Variants in RTL4 observed in about 807,000 individuals in gnomAD.
RTL4 encodes the protein retrotransposon Gag-like protein 4.
A neutral mutation model predicts 5.3 loss-of-function variants in RTL4; 4 were observed. The observed-to-expected ratio is 0.75, with a 90% CI of 0.37 to 1.72. RTL4 has a LOEUF of 1.72. Among genes scored for constraint, RTL4 ranks in the 40% most tolerant of loss-of-function variants. RTL4 has a pLI of 0.04. For synonymous variants in RTL4, 98 were observed against 87.3 expected, an observed-to-expected ratio of 1.12 and a Z score of -0.68; for missense variants, 260 against 227.1, an observed-to-expected ratio of 1.14 and a Z score of -0.93.
At chrX:112,456,806 A>C (rs2147895489) in exon 1 of RTL4, 1 of 127,395 alleles carries the variant, frequency 7.8e-6, no homozygotes, top group Non-Finnish European at 1.8e-5. Flanking sequence ...ACACTATCTC[A>C]TCTGAAAAAT....
At chrX:112,177,306 G>T in the RTL4 span, among the ~76,000 whole-genome samples, 1 of 111,207 alleles carries the variant, frequency 9.0e-6, no homozygotes, top group Non-Finnish European at 1.9e-5. Context: ...GTATATAAGT[G>T]TTCCCTTTTC....
the RTL4 span, among the ~76,000 whole-genome samples, chrX:112,326,879 C>A: frequency 9.0e-6 from 1 of 111,380 alleles, no homozygotes; most frequent in African/African-American, 3.3e-5. Flanking sequence ...CTGGGAGGCA[C>A]CCCCCAGCAG....
At chrX:112,391,238 C>T in the RTL4 span, among the ~76,000 whole-genome samples, 7 of 111,488 alleles carry the variant, frequency 6.3e-5, no homozygotes, top group African/African-American at 2.3e-4. Flanking sequence ...TTCTTAGTTT[C>T]CTTGGATTGG....
At chrX:112,103,997 C>G in the RTL4 span, among the ~76,000 whole-genome samples, 1 of 110,878 alleles carries the variant, frequency 9.0e-6, no homozygotes, top group African/African-American at 3.3e-5. Context: ...TGAACCTATT[C>G]CTCCTATATA....
the RTL4 span, among the ~76,000 whole-genome samples, chrX:112,212,193 G>A: frequency 9.0e-6 from 1 of 111,291 alleles, no homozygotes; most frequent in Non-Finnish European, 1.9e-5. Flanking sequence ...TGGCGAACAC[G>A]GTGAAACCCC....
At chrX:112,180,124 T>C in the RTL4 span, among the ~76,000 whole-genome samples, 1 of 111,407 alleles carries the variant, frequency 9.0e-6, no homozygotes, top group South Asian at 3.8e-4. Flanking sequence ...TGATATCTTG[T>C]ATGACACAGC....
the RTL4 span, among the ~76,000 whole-genome samples, chrX:112,246,675 C>T: frequency 1.3e-4 from 15 of 111,653 alleles, no homozygotes; most frequent in African/African-American, 2.0e-4. Context: ...TTGCACTTCC[C>T]GGGTGAGGCG....
chrX:112,180,437 C>A, the RTL4 span, among the ~76,000 whole-genome samples: 1 of 111,846 alleles, frequency 8.9e-6, no homozygotes, highest in Non-Finnish European at 1.9e-5. Context: ...GTGATACAAC[C>A]TTTTCTCTAA....
the RTL4 span, among the ~76,000 whole-genome samples, chrX:112,389,986 T>C: frequency 8.0e-5 from 8 of 99,983 alleles, no homozygotes; most frequent in Non-Finnish European, 1.2e-4. Context: ...ATCTGTCTAA[T>C]ATTGTCAGTG....
chrX:112,254,031 G>A, the RTL4 span, among the ~76,000 whole-genome samples: 2 of 111,763 alleles, frequency 1.8e-5, no homozygotes, highest in African/African-American at 6.5e-5. Context: ...TTCCCAATGT[G>A]TCTCAAATAA....
chrX:112,402,498 G>A, the RTL4 span, among the ~76,000 whole-genome samples: 1 of 108,368 alleles, frequency 9.2e-6, no homozygotes, highest in Admixed American at 1.0e-4. Context: ...ATGTTATGCT[G>A]AAATTCACTT....
the RTL4 span, among the ~76,000 whole-genome samples, chrX:112,251,234 A>C: frequency 8.9e-6 from 1 of 112,564 alleles, no homozygotes; most frequent in African/African-American, 3.2e-5. Flanking sequence ...GTAAAAGATT[A>C]TATTATTTTC....
the RTL4 span, among the ~76,000 whole-genome samples, chrX:112,304,104 T>C: frequency 9.0e-6 from 1 of 111,172 alleles, no homozygotes; most frequent in Non-Finnish European, 1.9e-5. Context: ...TGGACCTTTC[T>C]GTGGCTGATA....
At chrX:112,411,308 A>G in the RTL4 span, among the ~76,000 whole-genome samples, 1 of 111,530 alleles carries the variant, frequency 9.0e-6, no homozygotes, top group Non-Finnish European at 1.9e-5. Flanking sequence ...TAAGTAAACT[A>G]TTCCAAAAAA....
At chrX:112,199,288 C>CAAA in the RTL4 span, among the ~76,000 whole-genome samples, 2 of 34,155 alleles carry the variant, frequency 5.9e-5, no homozygotes, top group African/African-American at 2.0e-4. Context: ...GGCTCCGTCT[C>CAAA]AAAAAAAAAA....
the RTL4 span, among the ~76,000 whole-genome samples, chrX:112,091,027 A>C: frequency 9.0e-6 from 1 of 110,685 alleles, no homozygotes. Flanking sequence ...AAGGTTATCT[A>C]ATTTCTTGTT....
At chrX:112,101,137 G>T in the RTL4 span, among the ~76,000 whole-genome samples, 3 of 111,529 alleles carry the variant, frequency 2.7e-5, no homozygotes, top group African/African-American at 9.7e-5. Context: ...GACCACAAAG[G>T]AAACAATATA....
At chrX:112,147,271 T>C in the RTL4 span, among the ~76,000 whole-genome samples, 762 of 111,291 alleles carry the variant, frequency 6.8e-3, 8 homozygotes, top group African/African-American at 0.024. Context: ...TGTAGTCCTA[T>C]CTACCGAACT....
the RTL4 span, among the ~76,000 whole-genome samples, chrX:112,268,848 T>C: frequency 8.9e-6 from 1 of 112,052 alleles, no homozygotes; most frequent in Admixed American, 9.5e-5. Context: ...TTATCTTTTC[T>C]ACCTCTACTG....
Sources: gnomAD v4.1 joint callset for allele counts (sites outside exome capture counted in the v4.1 genomes callset) on GRCh38, gnomAD v4.1.1 for gene constraint, MANE v1.5 for transcripts, NCBI Gene and HGNC (gene_info 2026-07-23, HGNC 2026-07-21) for gene names.